SLC22A15: variants seen among roughly 807,000 people sequenced by gnomAD.
The protein encoded by SLC22A15 is flipt 1.
In SLC22A15, 45 loss-of-function variants were observed where a neutral mutation model predicts 62.7. That is an observed-to-expected ratio of 0.72 (90% confidence interval 0.56 to 0.92). SLC22A15 has a LOEUF of 0.92. Among genes scored for constraint, SLC22A15 ranks in the 40% least tolerant of loss-of-function variants. The probability of loss-of-function intolerance (pLI) is 0.00; values close to 1 mark genes in which losing one functional copy is unlikely to be tolerated. For missense variants in SLC22A15, 622 were observed against 665.6 expected, an observed-to-expected ratio of 0.93 and a Z score of 0.72; for synonymous variants, 264 against 267.0, an observed-to-expected ratio of 0.99 and a Z score of 0.11.
intron 2 of SLC22A15, among the ~76,000 whole-genome samples, chr1:116,003,191 C>T (rs1426106799): frequency 6.6e-6 from 1 of 152,064 alleles, no homozygotes; most frequent in Non-Finnish European, 1.5e-5. Context: ...CTGCTTGGTG[C>T]TTTATTTTAC....
chr1:115,985,111 C>T (rs968164088), intron 1 of SLC22A15, among the ~76,000 whole-genome samples: 2 of 152,212 alleles, frequency 1.3e-5, no homozygotes, highest in African/African-American at 4.8e-5. Context: ...ATTCACTCCT[C>T]ATTCAGTGAC....
At chr1:116,052,297 A>G (rs1055670642) in intron 8 of SLC22A15, among the ~76,000 whole-genome samples, 4 of 152,214 alleles carry the variant, frequency 2.6e-5, no homozygotes, top group Non-Finnish European at 2.9e-5. Context: ...ACTGATTGCT[A>G]GCACAGCAGT....
intron 10 of SLC22A15, among the ~76,000 whole-genome samples, chr1:116,065,369 G>A (rs547349311): frequency 6.6e-6 from 1 of 152,252 alleles, no homozygotes; most frequent in South Asian, 2.1e-4. Flanking sequence ...TCTCCTAAAG[G>A]AGTCATGTAG....
intron 8 of SLC22A15, among the ~76,000 whole-genome samples, chr1:116,038,680 GTT>G (rs1325248319): frequency 6.6e-6 from 1 of 152,210 alleles, no homozygotes; most frequent in Non-Finnish European, 1.5e-5. Flanking sequence ...TAGGTGCTCA[GTT>G]TTGTTTGTCT....
At chr1:115,986,980 G>A (rs560832503) in intron 1 of SLC22A15, among the ~76,000 whole-genome samples, 7 of 152,282 alleles carry the variant, frequency 4.6e-5, no homozygotes, top group Admixed American at 4.6e-4. Flanking sequence ...CAGTGAATAA[G>A]TCATGTTAGG....
intron 2 of SLC22A15, among the ~76,000 whole-genome samples, chr1:116,015,766 T>TA (rs1326813739): frequency 1.3e-5 from 2 of 152,050 alleles, no homozygotes; most frequent in Non-Finnish European, 2.9e-5. Context: ...ACATAAATTT[T>TA]AAAAAAAGCA....
At chr1:116,017,416 A>T (rs1656597778) in intron 2 of SLC22A15, 1 of 152,222 alleles carries the variant, frequency 6.6e-6, no homozygotes, top group South Asian at 2.1e-4. Flanking sequence ...AAGAAATAGT[A>T]AATCCAAGAA....
chr1:116,003,144 T>C (rs897558108), intron 2 of SLC22A15, among the ~76,000 whole-genome samples: 2 of 151,854 alleles, frequency 1.3e-5, no homozygotes, highest in African/African-American at 4.8e-5. Flanking sequence ...AGAAATGTCA[T>C]CCAGGAGTTA....
chr1:115,993,036 G>A (rs1458315930), intron 2 of SLC22A15, among the ~76,000 whole-genome samples: 1 of 152,154 alleles, frequency 6.6e-6, no homozygotes, highest in East Asian at 1.9e-4. Context: ...CTTTCAAGGG[G>A]GCTTTGCTGG....
At chr1:115,989,111 A>ATG (rs10673173) in intron 1 of SLC22A15, among the ~76,000 whole-genome samples, 72,981 of 149,676 alleles carry the variant, frequency 0.49, 20,025 homozygotes, top group Non-Finnish European at 0.64. Context: ...AGGGCCTTGG[A>ATG]TGTGTGTGTG....
intron 8 of SLC22A15, among the ~76,000 whole-genome samples, chr1:116,058,718 A>G (rs182304728): frequency 1.0e-3 from 152 of 152,326 alleles, no homozygotes; most frequent in African/African-American, 3.4e-3. Flanking sequence ...AACCAACTCA[A>G]ATGCTTATCA....
chr1:116,015,255 C>G (rs1221570408), intron 2 of SLC22A15: 1 of 152,174 alleles, frequency 6.6e-6, no homozygotes, highest in Non-Finnish European at 1.5e-5. Context: ...TTCACATTCT[C>G]TAATTTGCTT....
chr1:115,977,695 G>A (rs1361816637), intron 1 of SLC22A15, among the ~76,000 whole-genome samples: 1 of 152,222 alleles, frequency 6.6e-6, no homozygotes, highest in Non-Finnish European at 1.5e-5. Flanking sequence ...TCCAGTGGCT[G>A]CGGGTGGGGC....
intron 7 of SLC22A15, among the ~76,000 whole-genome samples, chr1:116,036,727 A>G (rs1317300992): frequency 6.6e-6 from 1 of 152,204 alleles, no homozygotes; most frequent in African/African-American, 2.4e-5. Flanking sequence ...TTCCAAGTCT[A>G]AGGCTTTTAT....
intron 2 of SLC22A15, among the ~76,000 whole-genome samples, chr1:116,007,635 C>T (rs79037579): frequency 0.018 from 2,741 of 152,248 alleles, 35 homozygotes; most frequent in East Asian, 0.026. Context: ...AAAATGCACT[C>T]TGGGATGGGA....
At chr1:116,050,681 C>T (rs542169296) in intron 8 of SLC22A15, among the ~76,000 whole-genome samples, 1 of 152,150 alleles carries the variant, frequency 6.6e-6, no homozygotes, top group Admixed American at 6.5e-5. Context: ...AATGCCCACT[C>T]TCACCACTCC....
intron 8 of SLC22A15, among the ~76,000 whole-genome samples, chr1:116,050,060 C>A (rs910888826): frequency 1.3e-4 from 20 of 151,982 alleles, no homozygotes; most frequent in African/African-American, 4.8e-4. Flanking sequence ...TAATTAGATA[C>A]CCTGAACAGA....
At chr1:116,010,358 CAG>C (rs1423654492) in intron 2 of SLC22A15, among the ~76,000 whole-genome samples, 1 of 152,098 alleles carries the variant, frequency 6.6e-6, no homozygotes, top group African/African-American at 2.4e-5. Context: ...GGTCAAAAGA[CAG>C]AGTATTAAAA....
At chr1:116,060,606 A>G (rs945633164) in intron 8 of SLC22A15, among the ~76,000 whole-genome samples, 3 of 152,204 alleles carry the variant, frequency 2.0e-5, no homozygotes, top group African/African-American at 2.4e-5. Flanking sequence ...ATCATTTGCA[A>G]TCAAGCATAT....
Sources: gnomAD v4.1 joint callset for allele counts (sites outside exome capture counted in the v4.1 genomes callset) on GRCh38, gnomAD v4.1.1 for gene constraint, MANE v1.5 for transcripts, NCBI Gene and HGNC (gene_info 2026-07-23, HGNC 2026-07-21) for gene names.